Variants in GRID2 observed in about 807,000 individuals in gnomAD.
The protein encoded by GRID2 is glutamate receptor ionotropic, delta-2.
GRID2 carries 33 observed loss-of-function variants against 114.8 expected under a neutral mutation model. The ratio of observed to expected loss-of-function variants is 0.29; its 90% confidence interval spans 0.22 to 0.38. The LOEUF is 0.38. Ranked by LOEUF, GRID2 falls within the 10% of genes least tolerant of loss-of-function variation. The pLI is 1.00. For synonymous variants in GRID2, 505 were observed against 449.9 expected, an observed-to-expected ratio of 1.12 and a Z score of -1.55; for missense variants, 1,184 against 1,257.7, an observed-to-expected ratio of 0.94 and a Z score of 0.89.
chr4:93,330,533 A>G (rs1758311271), intron 8 of GRID2, among the ~76,000 whole-genome samples: 1 of 152,202 alleles, frequency 6.6e-6, no homozygotes, highest in African/African-American at 2.4e-5. Flanking sequence ...TTTAACACAT[A>G]TTAATTTTTA....
At position 92,726,030 on chromosome 4, in the gene GRID2, T is replaced by G. The variant is rs532273608; in HGVS notation, c.244+135744T>G. Among the ~76,000 whole-genome samples the G allele has an allele frequency of 9.9e-5, 15 of 152,188 alleles. No individual in the cohort carries two copies. The East Asian group carries it at 2.9e-3, about 29-fold the overall frequency. On this transcript the variant is annotated intron_variant, in intron 2 of 15. Transcript: ENST00000282020. The stretch of plus-strand genomic sequence containing the variant: ...TAAATTGTGCTTTATATTATGCATG[T>G]TCTAGAAAAACAAGGCAAAGTTAAG...
rs1732502335 is a variant in GRID2, at chr4:92,661,291, A to C, written c.244+71005A>C. On this transcript the variant is annotated intron_variant, in intron 2 of 15. Transcript: ENST00000282020. ...TATAATTATGACAAATAACATTAAA[A>C]AGTCACCCTGTTTAAAAGTATCAAA... Among the ~76,000 whole-genome samples the C allele has an allele frequency of 2.0e-5, 3 of 151,044 alleles. No homozygotes were observed. In the Admixed American group the frequency reaches 2.0e-4, roughly 10 times the overall value.
chr4:92,990,561 C>T (rs1345171112), intron 2 of GRID2, among the ~76,000 whole-genome samples: 1 of 151,840 alleles, frequency 6.6e-6, no homozygotes, highest in Non-Finnish European at 1.5e-5. Context: ...GTGATCTACC[C>T]GCCTCAGCTT....
intron 12 of GRID2, among the ~76,000 whole-genome samples, chr4:93,491,343 G>A (rs1210385742): frequency 2.0e-5 from 3 of 151,836 alleles, no homozygotes; most frequent in Non-Finnish European, 4.4e-5. Context: ...TTTACTGGTT[G>A]CAGTTGGAAT....
intron 1 of GRID2, among the ~76,000 whole-genome samples, chr4:92,483,555 G>C (rs1393502636): frequency 6.6e-6 from 1 of 152,044 alleles, no homozygotes; most frequent in African/African-American, 2.4e-5. Flanking sequence ...TCACTGGGAC[G>C]ATCAAAGCTA....
intron 2 of GRID2, among the ~76,000 whole-genome samples, chr4:92,640,499 G>C (rs1297538168): frequency 6.6e-6 from 1 of 151,926 alleles, no homozygotes; most frequent in East Asian, 1.9e-4. Flanking sequence ...TATAGATCTA[G>C]TTTGGAAACA....
intron 2 of GRID2, among the ~76,000 whole-genome samples, chr4:92,627,017 A>C (rs1292637155): frequency 6.6e-6 from 1 of 152,148 alleles, no homozygotes; most frequent in Non-Finnish European, 1.5e-5. Flanking sequence ...CTAAGGTAAA[A>C]ACTCACTGGA....
intron 2 of GRID2, among the ~76,000 whole-genome samples, chr4:93,080,855 G>T (rs1729796882): frequency 6.6e-6 from 1 of 152,292 alleles, no homozygotes; most frequent in South Asian, 2.1e-4. Context: ...GGGAAGTCAA[G>T]ATCAATACAC....
intron 2 of GRID2, among the ~76,000 whole-genome samples, chr4:92,844,342 C>T (rs1014427973): frequency 2.0e-5 from 3 of 151,936 alleles, no homozygotes; most frequent in Non-Finnish European, 4.4e-5. Flanking sequence ...AGTTTGAGAC[C>T]AGCCTGAACC....
chr4:92,444,816 C>A (rs1560635152), intron 1 of GRID2, among the ~76,000 whole-genome samples: 2 of 151,970 alleles, frequency 1.3e-5, no homozygotes, highest in African/African-American at 4.8e-5. Context: ...TTATTTTTGC[C>A]CTTACATATT....
At chr4:92,585,236 G>T (rs1728375191) in intron 1 of GRID2, among the ~76,000 whole-genome samples, 1 of 151,854 alleles carries the variant, frequency 6.6e-6, no homozygotes, top group Admixed American at 6.6e-5. Flanking sequence ...GTGAGAGCAT[G>T]CACAAAAGAA....
chr4:93,688,458 T>C (rs1726268430), intron 14 of GRID2, among the ~76,000 whole-genome samples: 1 of 151,990 alleles, frequency 6.6e-6, no homozygotes, highest in Admixed American at 6.6e-5. Flanking sequence ...AAAGGTAGAG[T>C]ATTTTGTCCT....
chr4:92,835,030 A>T (rs1742360301), intron 2 of GRID2, among the ~76,000 whole-genome samples: 1 of 152,160 alleles, frequency 6.6e-6, no homozygotes, highest in Admixed American at 6.6e-5. Context: ...TACAACAAAG[A>T]TTGAAACAGC....
At chr4:93,338,436 A>G (rs1050923004) in intron 8 of GRID2, among the ~76,000 whole-genome samples, 7 of 152,224 alleles carry the variant, frequency 4.6e-5, no homozygotes, top group Non-Finnish European at 1.0e-4. Flanking sequence ...ATTCCATTGC[A>G]TAGCATGCTG....
At chr4:92,666,757 A>C (rs199664912) in intron 2 of GRID2, among the ~76,000 whole-genome samples, 38 of 137,940 alleles carry the variant, frequency 2.8e-4, no homozygotes, top group East Asian at 2.2e-3. Context: ...TGAATGTTTT[A>C]GTCTTTAATC....
intron 1 of GRID2, among the ~76,000 whole-genome samples, chr4:92,377,987 T>C (rs1729435760): frequency 6.6e-6 from 1 of 152,128 alleles, no homozygotes; most frequent in Non-Finnish European, 1.5e-5. Context: ...AATACTGTTT[T>C]GAGCTCATTA....
intron 2 of GRID2, among the ~76,000 whole-genome samples, chr4:92,892,271 C>T (rs964916579): frequency 1.3e-5 from 2 of 151,810 alleles, no homozygotes; most frequent in Non-Finnish European, 2.9e-5. Flanking sequence ...ACCATGTTGG[C>T]CTGGCTGGTC....
At chr4:92,852,329 CT>C (rs1320228470) in intron 2 of GRID2, among the ~76,000 whole-genome samples, 5 of 151,836 alleles carry the variant, frequency 3.3e-5, no homozygotes, top group Non-Finnish European at 7.4e-5. Flanking sequence ...ACTGTCTCCT[CT>C]TTTCCCTTTC....
chr4:93,703,519 A>G (rs1238052465), intron 14 of GRID2, among the ~76,000 whole-genome samples: 1 of 151,876 alleles, frequency 6.6e-6, no homozygotes, highest in Non-Finnish European at 1.5e-5. Flanking sequence ...ATGTACTTTA[A>G]GTTTTAGAGT....
Sources: gnomAD v4.1 joint callset for allele counts (sites outside exome capture counted in the v4.1 genomes callset) on GRCh38, gnomAD v4.1.1 for gene constraint, MANE v1.5 for transcripts, NCBI Gene and HGNC (gene_info 2026-07-23, HGNC 2026-07-21) for gene names.